Variants in PDE1C observed in about 807,000 individuals in gnomAD.
PDE1C encodes phosphodiesterase 1C.
PDE1C carries 62 observed loss-of-function variants against 93.1 expected under a neutral mutation model. That is an observed-to-expected ratio of 0.67 (90% CI 0.54 to 0.82). The LOEUF (loss-of-function observed/expected upper bound fraction) is 0.82, where lower values mean the gene tolerates loss of function less well. PDE1C is among the 40% of genes least tolerant of loss of function. The probability of loss-of-function intolerance (pLI) is 0.00; values close to 1 mark genes in which losing one functional copy is unlikely to be tolerated. For missense variants in PDE1C, 742 were observed against 884.6 expected, an observed-to-expected ratio of 0.84 and a Z score of 2.04; for synonymous variants, 325 against 310.1, an observed-to-expected ratio of 1.05 and a Z score of -0.50.
the PDE1C span, among the ~76,000 whole-genome samples, chr7:31,675,763 A>T: frequency 6.6e-6 from 1 of 152,036 alleles, no homozygotes; most frequent in Non-Finnish European, 1.5e-5. Flanking sequence ...ATTTATAAAG[A>T]AAAGCTGTTG....
intron 2 of PDE1C, among the ~76,000 whole-genome samples, chr7:31,942,346 T>G (rs774517203): frequency 6.6e-6 from 1 of 152,134 alleles, no homozygotes; most frequent in African/African-American, 2.4e-5. Context: ...GCCCCTAAAC[T>G]GCCTTTTATC....
At chr7:31,945,121 C>T (rs1806432635) in intron 2 of PDE1C, among the ~76,000 whole-genome samples, 1 of 152,126 alleles carries the variant, frequency 6.6e-6, no homozygotes, top group African/African-American at 2.4e-5. Flanking sequence ...ATTCCACTCA[C>T]ATCACATGTG....
At chr7:32,173,782 C>T (rs573489233) in intron 2 of PDE1C, among the ~76,000 whole-genome samples, 1 of 152,276 alleles carries the variant, frequency 6.6e-6, no homozygotes, top group South Asian at 2.1e-4. Flanking sequence ...AGAAATCACC[C>T]TGGCTTGTTG....
chr7:32,349,068 C>T (rs747748127), intron 1 of PDE1C, among the ~76,000 whole-genome samples: 12 of 152,334 alleles, frequency 7.9e-5, no homozygotes, highest in Middle Eastern at 3.4e-3. Context: ...CCCTTCAAAG[C>T]GGATTAATTC....
At chr7:31,972,907 C>G (rs184874887) in intron 2 of PDE1C, among the ~76,000 whole-genome samples, 1 of 152,060 alleles carries the variant, frequency 6.6e-6, no homozygotes, top group African/African-American at 2.4e-5. Flanking sequence ...TTGGTGATGC[C>G]AGGCCAACCC....
At chr7:31,987,088 T>C (rs1783516526) in intron 2 of PDE1C, among the ~76,000 whole-genome samples, 1 of 152,188 alleles carries the variant, frequency 6.6e-6, no homozygotes, top group East Asian at 1.9e-4. Context: ...TTTAGTCAGC[T>C]GTGTGGAAGA....
At chr7:31,964,653 GCCT>G (rs1163295203) in intron 2 of PDE1C, among the ~76,000 whole-genome samples, 1 of 152,226 alleles carries the variant, frequency 6.6e-6, no homozygotes, top group Admixed American at 6.5e-5. Flanking sequence ...CGGGCAGACT[GCCT>G]CCTCAAGTGG....
chr7:31,974,668 T>C (rs1296401904), intron 2 of PDE1C, among the ~76,000 whole-genome samples: 1 of 152,180 alleles, frequency 6.6e-6, no homozygotes, highest in Non-Finnish European at 1.5e-5. Flanking sequence ...CTCTGGCCTA[T>C]GTCCCTTAAG....
At chr7:31,979,099 A>G (rs575457686) in intron 2 of PDE1C, among the ~76,000 whole-genome samples, 1 of 152,328 alleles carries the variant, frequency 6.6e-6, no homozygotes, top group South Asian at 2.1e-4. Context: ...GATATCATTA[A>G]TAAAACATAG....
At chr7:31,628,579 T>A in the PDE1C span, among the ~76,000 whole-genome samples, 5 of 151,758 alleles carry the variant, frequency 3.3e-5, no homozygotes, top group East Asian at 9.7e-4. Flanking sequence ...TGCCTCAGCC[T>A]CCCCAGCAGC....
chr7:32,270,776 GC>G (rs1196685935), intron 1 of PDE1C, among the ~76,000 whole-genome samples: 5 of 152,092 alleles, frequency 3.3e-5, no homozygotes, highest in African/African-American at 1.2e-4. Context: ...TTCCAGCTTT[GC>G]CATTTAGCAG....
rs181493781 is a variant in PDE1C at position 32,349,087 on chromosome 7, T to C, written c.310+78735A>G. Among the ~76,000 whole-genome samples, 508 of 152,276 alleles carry C rather than the reference T, an allele frequency of 3.3e-3. 6 individuals carry two copies. Among genetic ancestry groups the C allele is most frequent in the Admixed American group, 1.3e-3 (20 of 15,300 alleles). On this transcript the variant is annotated intron_variant, in intron 1 of 1. Coordinates refer to the PDE1C transcript ENST00000672256. ...TCAAAGCGGATTAATTCAAACTCAT[T>C]CTCCAATGCCAGGGACCCCTTCCAA...
chr7:32,369,938 C>G (rs983124983), intron 1 of PDE1C, among the ~76,000 whole-genome samples: 5 of 152,166 alleles, frequency 3.3e-5, no homozygotes, highest in Non-Finnish European at 5.9e-5. Context: ...CCTCAAGGAT[C>G]TAGAACTAGA....
At chr7:32,074,537 G>T (rs1210903226), upstream of PDE1C, among the ~76,000 whole-genome samples, 7 of 152,146 alleles carry the variant, frequency 4.6e-5, no homozygotes, top group Non-Finnish European at 1.0e-4. Flanking sequence ...AGACCAAAAG[G>T]CAAAGCTCAT....
In PDE1C at chr7:31,823,180, G is replaced by A. The variant is rs1583477650; in HGVS notation, c.1475C>T (p.Ala492Val). 6.2e-7 allele frequency: 1 copy of A among 1,613,250 alleles called. No individual in the cohort carries two copies. The highest frequency in any genetic ancestry group is 8.5e-7 in the Non-Finnish European group (1 of 1,179,492). Residue 492 changes from alanine (A) to valine (V), a missense_variant, in exon 14 of 18, where the codon GCC becomes GTC. Around this residue, in one of 4 missense-constraint regions of PDE1C, gnomAD observed 454 missense variants for 459.4 expected, o/e 0.99. Coordinates refer to ENST00000396191, the MANE Select transcript of PDE1C (RefSeq NM_001191057.4). ...GGAGATGACAGAATTGTTGATCGGG[G>A]CACTTCCCTCTGAACCAGAGGTCTT... ...GVKTSGSEGS[A>V]PINNSVISVD... is the part of the protein sequence containing the mutation.
At chr7:31,964,221 G>C (rs1195641441) in intron 2 of PDE1C, among the ~76,000 whole-genome samples, 1 of 152,248 alleles carries the variant, frequency 6.6e-6, no homozygotes, top group Non-Finnish European at 1.5e-5. Context: ...AGAAAGGGAT[G>C]ACAGATGGCA....
At chr7:32,293,261 A>G (rs1011322767) in intron 1 of PDE1C, among the ~76,000 whole-genome samples, 12 of 152,174 alleles carry the variant, frequency 7.9e-5, no homozygotes, top group Non-Finnish European at 4.4e-5. Flanking sequence ...TGGCTCACCT[A>G]ATGGGCATGA....
chr7:31,623,962 T>C, the PDE1C span, among the ~76,000 whole-genome samples: 5 of 149,542 alleles, frequency 3.3e-5, no homozygotes, highest in East Asian at 1.0e-3. Context: ...TCACAAGCAT[T>C]CTTATACACC....
chr7:32,342,407 CAA>C (rs34797959), intron 1 of PDE1C, among the ~76,000 whole-genome samples: 74,502 of 151,824 alleles, frequency 0.49, 21,560 homozygotes, highest in Admixed American at 0.65. Flanking sequence ...TATATAAAAT[CAA>C]AGTCATGTAT....
Sources: gnomAD v4.1 joint callset for allele counts (sites outside exome capture counted in the v4.1 genomes callset) on GRCh38, gnomAD v4.1.1 for gene constraint, gnomAD v4.1.1 regional missense constraint, MANE v1.5 for transcripts, NCBI Gene and HGNC (gene_info 2026-07-23, HGNC 2026-07-21) for gene names.